The following SYNPR variants were observed in gnomAD, a reference collection of about 807,000 sequenced individuals.
SYNPR encodes synaptoporin.
SYNPR carries 23 observed loss-of-function variants against 32.9 expected under a neutral mutation model. That is an observed-to-expected ratio of 0.70 (90% confidence interval 0.50 to 0.99). SYNPR has a LOEUF of 0.99. Ranked by LOEUF, SYNPR falls within the 50% of genes least tolerant of loss-of-function variation. The pLI, the probability that SYNPR is intolerant of heterozygous loss-of-function variation, is 0.00. For synonymous variants in SYNPR, 146 were observed against 135.9 expected (o/e 1.07, Z -0.52); for missense variants, 318 against 349.3 (o/e 0.91, Z 0.71).
intron 3 of SYNPR, among the ~76,000 whole-genome samples, chr3:63,540,215 G>C (rs945134817): frequency 1.3e-5 from 2 of 152,082 alleles, no homozygotes; most frequent in Non-Finnish European, 2.9e-5. Flanking sequence ...ACCTTATGAA[G>C]TAGGTCATGT....
intron 2 of SYNPR, among the ~76,000 whole-genome samples, chr3:63,290,880 G>A (rs2086732212): frequency 6.6e-6 from 1 of 152,126 alleles, no homozygotes; most frequent in East Asian, 1.9e-4. Context: ...TTTTCTGGCT[G>A]GCCTTTTATG....
chr3:63,563,444 A>G (rs1431916895), intron 4 of SYNPR, among the ~76,000 whole-genome samples: 1 of 152,216 alleles, frequency 6.6e-6, no homozygotes, highest in Non-Finnish European at 1.5e-5. Context: ...CCTTTGTTTG[A>G]GTATAATTAG....
At chr3:63,482,048 A>G (rs1701060448) in intron 3 of SYNPR, among the ~76,000 whole-genome samples, 1 of 152,250 alleles carries the variant, frequency 6.6e-6, no homozygotes, top group African/African-American at 2.4e-5. Flanking sequence ...CTTTTCCTCA[A>G]ACTGGAGGAG....
At chr3:63,270,117 A>G (rs1410609071) in intron 3 of SYNPR, among the ~76,000 whole-genome samples, 1 of 152,206 alleles carries the variant, frequency 6.6e-6, no homozygotes, top group Non-Finnish European at 1.5e-5. Flanking sequence ...ATTTGAACTG[A>G]GCATTGAGGG....
chr3:63,314,890 C>G (rs549486553), intron 2 of SYNPR, among the ~76,000 whole-genome samples: 65 of 151,942 alleles, frequency 4.3e-4, no homozygotes, highest in African/African-American at 1.5e-3. Flanking sequence ...CATCTAAATC[C>G]AGCTTGAGTT....
At chr3:63,500,126 T>A (rs1343089465) in intron 3 of SYNPR, among the ~76,000 whole-genome samples, 1 of 152,096 alleles carries the variant, frequency 6.6e-6, no homozygotes, top group Non-Finnish European at 1.5e-5. Context: ...TGGAGCATGG[T>A]TTTTACCCAT....
intron 2 of SYNPR, among the ~76,000 whole-genome samples, chr3:63,319,171 T>C (rs1472164499): frequency 1.3e-5 from 2 of 152,026 alleles, no homozygotes; most frequent in African/African-American, 2.4e-5. Flanking sequence ...GCACTAGTTT[T>C]TGAAGAGACT....
chr3:63,337,940 A>G (rs930277972), intron 2 of SYNPR, among the ~76,000 whole-genome samples: 1 of 152,216 alleles, frequency 6.6e-6, no homozygotes, highest in African/African-American at 2.4e-5. Context: ...GTAATGGTGG[A>G]TGCATGACAT....
chr3:63,554,116 G>A (rs111461117), intron 3 of SYNPR, among the ~76,000 whole-genome samples: 6,497 of 152,164 alleles, frequency 0.043, 493 homozygotes, highest in African/African-American at 0.15. Context: ...TTCTTTATAG[G>A]TTATGGATAT....
intron 3 of SYNPR, among the ~76,000 whole-genome samples, chr3:63,503,979 A>T (rs1701537135): frequency 6.6e-6 from 1 of 152,158 alleles, no homozygotes; most frequent in Non-Finnish European, 1.5e-5. Context: ...TTTCCTACTT[A>T]GTATTCCATA....
At chr3:63,242,438 T>C (rs1045085104) in intron 1 of SYNPR, among the ~76,000 whole-genome samples, 5 of 152,126 alleles carry the variant, frequency 3.3e-5, no homozygotes, top group African/African-American at 1.2e-4. Flanking sequence ...GAAAACTTGC[T>C]ATATATCCAG....
chr3:63,260,654 G>T (rs2106899637), intron 2 of SYNPR, among the ~76,000 whole-genome samples: 1 of 152,216 alleles, frequency 6.6e-6, no homozygotes, highest in South Asian at 2.1e-4. Context: ...TCAGGACATA[G>T]GCATGGGCAA....
intron 2 of SYNPR, among the ~76,000 whole-genome samples, chr3:63,286,881 T>C (rs6790463): frequency 0.46 from 69,142 of 151,934 alleles, 15,899 homozygotes; most frequent in Middle Eastern, 0.52. Flanking sequence ...CTAAAGTAAA[T>C]GATAATTGTG....
intron 3 of SYNPR, among the ~76,000 whole-genome samples, chr3:63,489,514 G>T (rs144613735): frequency 6.5e-4 from 99 of 152,194 alleles, no homozygotes; most frequent in African/African-American, 2.2e-3. Flanking sequence ...ATTTTTCCTA[G>T]ATCTGTGAAT....
intron 2 of SYNPR, among the ~76,000 whole-genome samples, chr3:63,401,734 T>C (rs139407112): frequency 1.8e-4 from 27 of 152,342 alleles, no homozygotes; most frequent in African/African-American, 4.8e-5. Flanking sequence ...GCCTGTATTC[T>C]TGATGGACAT....
At chr3:63,431,999 C>T (rs1700005269) in intron 2 of SYNPR, among the ~76,000 whole-genome samples, 1 of 152,140 alleles carries the variant, frequency 6.6e-6, no homozygotes, top group South Asian at 2.1e-4. Context: ...GGGCTTCAGG[C>T]TGTGAAGAGG....
At chr3:63,254,775 G>T (rs2106892861) in intron 2 of SYNPR, among the ~76,000 whole-genome samples, 1 of 152,282 alleles carries the variant, frequency 6.6e-6, no homozygotes, top group South Asian at 2.1e-4. Context: ...TTTGGACACA[G>T]AGTCTTTAAA....
intron 2 of SYNPR, among the ~76,000 whole-genome samples, chr3:63,411,726 C>T (rs1246530433): frequency 6.6e-6 from 1 of 152,032 alleles, no homozygotes; most frequent in Non-Finnish European, 1.5e-5. Flanking sequence ...AGCTGATGAA[C>T]TTGAAGTGAA....
chr3:63,251,721 C>A (rs1000213253), intron 1 of SYNPR, among the ~76,000 whole-genome samples: 1 of 151,896 alleles, frequency 6.6e-6, no homozygotes, highest in Admixed American at 6.6e-5. Flanking sequence ...TAATCAGTGA[C>A]CGAGGACCAG....
Sources: allele counts gnomAD v4.1 joint callset (sites outside exome capture counted in the v4.1 genomes callset), GRCh38; gene constraint gnomAD v4.1.1; transcripts MANE v1.5; gene names NCBI Gene and HGNC (gene_info 2026-07-23, HGNC 2026-07-21).